The following ST3GAL1 variants were observed in gnomAD, a reference collection of about 807,000 sequenced individuals.
ST3GAL1 encodes the protein ST3 beta-galactoside alpha-2,3-sialyltransferase 1.
A neutral mutation model predicts 34.1 loss-of-function variants in ST3GAL1; 16 were observed. That is an observed-to-expected ratio of 0.47 (90% confidence interval 0.32 to 0.71). The LOEUF (loss-of-function observed/expected upper bound fraction) is 0.71. ST3GAL1 is among the 30% of genes least tolerant of loss of function. The pLI, the probability that ST3GAL1 is intolerant of heterozygous loss-of-function variation, is 0.04. For synonymous variants in ST3GAL1, 191 were observed against 184.7 expected, an observed-to-expected ratio of 1.03 and a Z score of -0.28; for missense variants, 353 against 447.4, an observed-to-expected ratio of 0.79 and a Z score of 1.90.
Position 133,464,871 on chromosome 8 carries a change from T to G in ST3GAL1, c.590A>C (p.Glu197Ala). 6.2e-7 allele frequency: 1 copy of G among 1,614,048 alleles called. No individual in the cohort carries two copies. Among genetic ancestry groups the G allele is most frequent in the Non-Finnish European group, 8.5e-7 (1 of 1,179,996 alleles). ...HHLVYPESFR[E>A]LGDNVSMILV... Reference sequence around the variant, plus strand: ...GATCATGCTGACATTATCTCCCAGCTCCCGGAAGCTCTCAGGGTACACCAG... The same window carrying G: ...GATCATGCTGACATTATCTCCCAGCGCCCGGAAGCTCTCAGGGTACACCAG... The change falls in exon 7 of 10, where the codon GAG (glutamate) becomes GCG (alanine). Residue 197 changes from glutamate to alanine, a missense_variant. Coordinates refer to ENST00000522652, the MANE Select transcript of ST3GAL1 (RefSeq NM_173344.3).
chr8:133,461,413 C>T lies in ST3GAL1; in HGVS notation c.849+462G>A, dbSNP rs1167154319. The stretch of plus-strand genomic sequence containing the variant: ...GGCAAATGCATGCTTCTCGAGATCA[C>T]GGGTTCTCAACCTCGGTAGACAGTG... On this transcript the variant is annotated intron_variant, in intron 9 of 9. Transcript: ENST00000522652. This position sits in a 1 kb window ranked among gnomAD's most constrained non-coding sequence, Gnocchi z 4.7. Among the ~76,000 whole-genome samples the T allele has an allele frequency of 1.3e-5, 2 of 152,162 alleles. No homozygotes were observed. The highest frequency in any genetic ancestry group is 2.9e-5 in the Non-Finnish European group (2 of 68,028).
At chr8:133,497,454 GAATT>G (rs1348556110) in intron 3 of ST3GAL1, among the ~76,000 whole-genome samples, 5 of 31,686 alleles carry the variant, frequency 1.6e-4, no homozygotes, top group Non-Finnish European at 2.2e-4. Flanking sequence ...AATTTTGTTG[GAATT>G]TTTTTTTTTT....
At chr8:133,526,001 C>G (rs1484903692) in intron 2 of ST3GAL1, among the ~76,000 whole-genome samples, 6 of 152,146 alleles carry the variant, frequency 3.9e-5, no homozygotes, top group African/African-American at 1.4e-4. Flanking sequence ...AGGGTTCCCA[C>G]CTGTTCCTGG....
At chr8:133,470,766 T>C (rs1157019129) in intron 5 of ST3GAL1, among the ~76,000 whole-genome samples, 2 of 151,286 alleles carry the variant, frequency 1.3e-5, no homozygotes, top group East Asian at 3.9e-4. Flanking sequence ...GAGTGAGGAG[T>C]CGGGCAAGTG....
rs770222145 is a variant in ST3GAL1, at chr8:133,551,616, AAGAG to A, written c.-581-5694_-581-5691del. On this transcript the variant is annotated intron_variant, in intron 1 of 9. Coordinates refer to ENST00000522652, the MANE Select transcript of ST3GAL1 (RefSeq NM_173344.3). ...AAAGAAAGAAAGAAAGAAAGAAAGA[AAGAG>A]CGAGCAAGCCTTTCTCTGAGTTTTA... Among the ~76,000 whole-genome samples the A allele has an allele frequency of 5.7e-4, 77 of 135,084 alleles. 2 individuals carry two copies. Among genetic ancestry groups the A allele is most frequent in the Non-Finnish European group, 8.3e-4 (51 of 61,198 alleles). The allele number at this position is 135,084 out of a possible 152,430, so 88.6% of individuals were successfully genotyped here. A position where few individuals can be genotyped will look rare whatever the true frequency, so the allele number is the denominator to read the frequency against.
Position 133,554,449 on chromosome 8 carries a change from T to G in ST3GAL1, c.-581-8523A>C, listed in dbSNP as rs537046268. Reference sequence around the variant, plus strand: ...AGTGGGATGTAGGGGTGTAGGCAGATGAAGGGCTGAAGGCTGGAGAGTGAG... The same window carrying G: ...AGTGGGATGTAGGGGTGTAGGCAGAGGAAGGGCTGAAGGCTGGAGAGTGAG... On this transcript the variant is annotated intron_variant, in intron 1 of 9. Transcript: ENST00000522652. 5.3e-5 allele frequency among the ~76,000 whole-genome samples: 8 copies of G among 152,182 alleles called. No homozygotes were observed. In the South Asian group the frequency reaches 1.7e-3, roughly 32 times the overall value.
chr8:133,522,046 G>A (rs972667073), intron 2 of ST3GAL1, among the ~76,000 whole-genome samples: 1 of 152,190 alleles, frequency 6.6e-6, no homozygotes, highest in Admixed American at 6.5e-5. Flanking sequence ...CCTTAAAAAT[G>A]GTGGTGCCTT....
Position 133,466,398 on chromosome 8 carries a change from T to C in ST3GAL1, c.307-308A>G, listed in dbSNP as rs1563695989. On this transcript the variant is annotated intron_variant, in intron 5 of 9. Coordinates refer to ENST00000522652, the MANE Select transcript of ST3GAL1 (RefSeq NM_173344.3). This position sits in a 1 kb window ranked among gnomAD's most constrained non-coding sequence, Gnocchi z 4.4. ...AGCCACACCTGGACTCACAGGCCCC[T>C]CCCACTCCACATGTGATCAGCGTTT... Among the ~76,000 whole-genome samples, 1 of 152,168 alleles carries C rather than the reference T, an allele frequency of 6.6e-6. No homozygotes were observed. Among genetic ancestry groups the C allele is most frequent in the Non-Finnish European group, 1.5e-5 (1 of 68,014 alleles).
Position 133,458,701 on chromosome 8 carries a change from G to C in ST3GAL1, c.*1063C>G, listed in dbSNP as rs1426529331. The C allele has an allele frequency of 6.6e-6, 1 of 152,152 alleles. No homozygotes were observed. The highest frequency in any genetic ancestry group is 2.4e-5 in the African/African-American group (1 of 41,424). 9.4% of individuals were successfully genotyped at this position (152,152 alleles called of 1,614,324 possible). A position where few individuals can be genotyped will look rare whatever the true frequency, so the allele number is the denominator to read the frequency against. ...TGGGGGTCCCTTTTCCCAAGTAAGG[G>C]CTTTTGTTTCATTTCAGCCAATGCA... On this transcript the variant is annotated 3_prime_UTR_variant, in exon 10 of 10. Transcript: ENST00000522652.
chr8:133,462,080 C>T, intron 8 of ST3GAL1, 86 bp from the exon 9 acceptor site: 2 of 1,584,790 alleles, frequency 1.3e-6, no homozygotes, highest in Non-Finnish European at 8.6e-7. Context: ...ACTGTTGTGG[C>T]CATGGAGGCA....
intron 3 of ST3GAL1, among the ~76,000 whole-genome samples, chr8:133,479,990 C>T (rs1337915983): frequency 1.3e-5 from 2 of 152,188 alleles, no homozygotes; most frequent in Admixed American, 6.5e-5. Flanking sequence ...CCCTGGCTCC[C>T]GGAAATGACA....
intron 2 of ST3GAL1, among the ~76,000 whole-genome samples, chr8:133,499,810 G>A (rs1388973608): frequency 1.3e-5 from 2 of 152,168 alleles, no homozygotes; most frequent in African/African-American, 4.8e-5. Flanking sequence ...AATGGGGACT[G>A]GAATCCAGGT....
At chr8:133,501,851 T>C (rs912573024) in intron 2 of ST3GAL1, among the ~76,000 whole-genome samples, 5 of 152,128 alleles carry the variant, frequency 3.3e-5, no homozygotes, top group Non-Finnish European at 7.4e-5. Context: ...CATGGGGAAA[T>C]GAAATCTGCT....
rs116503654 is a variant in ST3GAL1, at chr8:133,479,886, C to T, written c.-373-3286G>A. 6.2e-3 allele frequency among the ~76,000 whole-genome samples: 941 copies of T among 152,328 alleles called. 16 individuals carry two copies. The highest frequency in any genetic ancestry group is 0.021 in the African/African-American group (894 of 41,582). The stretch of plus-strand genomic sequence containing the variant: ...ATGGAAAAGCAAGAACACCGCTATA[C>T]CCCTTCCCTGGCTGCAGGGAAGAAA... On this transcript the variant is annotated intron_variant, in intron 3 of 9. Coordinates refer to ENST00000522652, the MANE Select transcript of ST3GAL1 (RefSeq NM_173344.3).
rs371422234 is a variant in ST3GAL1, at chr8:133,467,658, C to A, written c.307-1568G>T. On this transcript the variant is annotated intron_variant, in intron 5 of 9. Coordinates refer to ENST00000522652, the MANE Select transcript of ST3GAL1 (RefSeq NM_173344.3). The surrounding 1 kb of genome is among the most constrained non-coding windows in gnomAD (Gnocchi z 4.2). ...TGATAAGCTGTGGGGTGATTCCCAT[C>A]GGCTACTCCGGGCCCCAGGGGCAAG... is the stretch of plus-strand genomic sequence containing the variant. Among the ~76,000 whole-genome samples, 3 of 152,172 alleles carry A rather than the reference C, an allele frequency of 2.0e-5. No homozygotes were observed. Among genetic ancestry groups the A allele is most frequent in the Non-Finnish European group, 2.9e-5 (2 of 68,028 alleles).
intron 2 of ST3GAL1, among the ~76,000 whole-genome samples, chr8:133,519,957 A>G (rs1482975539): frequency 6.6e-6 from 1 of 152,150 alleles, no homozygotes; most frequent in Admixed American, 6.5e-5. Flanking sequence ...CTCAAAAACA[A>G]AACAAAATAA....
At chr8:133,542,314 T>C (rs1818558190) in intron 2 of ST3GAL1, among the ~76,000 whole-genome samples, 1 of 152,196 alleles carries the variant, frequency 6.6e-6, no homozygotes, top group Non-Finnish European at 1.5e-5. Context: ...TACCTTGCTA[T>C]GACAACAAGG....
At position 133,547,608 on chromosome 8, in the gene ST3GAL1, C is replaced by T. The variant is rs1486616991; in HGVS notation, c.-581-1682G>A. ...TGTGTGGAGAGAGGCTGAGGCACCC[C>T]AGCTCAGCCCCCAGATGTGTGGATG... On this transcript the variant is annotated intron_variant, in intron 1 of 9. Transcript: ENST00000522652. Among the ~76,000 whole-genome samples, 4 of 152,140 alleles carry T rather than the reference C, an allele frequency of 2.6e-5. No individual in the cohort carries two copies. In the East Asian group the frequency reaches 7.7e-4, roughly 29 times the overall value.
At chr8:133,567,750 G>C (rs1184644454) in intron 1 of ST3GAL1, among the ~76,000 whole-genome samples, 2 of 152,150 alleles carry the variant, frequency 1.3e-5, no homozygotes, top group African/African-American at 4.8e-5. Flanking sequence ...GATGCCCTTG[G>C]CATGGGGTAG....
Sources: allele counts gnomAD v4.1 joint callset (sites outside exome capture counted in the v4.1 genomes callset), GRCh38; gene constraint gnomAD v4.1.1; non-coding constraint Gnocchi (gnomAD v3.1); transcripts MANE v1.5; gene names NCBI Gene and HGNC (gene_info 2026-07-23, HGNC 2026-07-21).